Variants in CRAMP1 observed in about 807,000 individuals in gnomAD.
The protein encoded by CRAMP1 is cramped chromatin regulator 1.
In CRAMP1, 50 loss-of-function variants were observed where a neutral mutation model predicts 115.4. That is an observed-to-expected ratio of 0.43 (90% CI 0.35 to 0.55). CRAMP1 has a LOEUF of 0.55. Among genes scored for constraint, CRAMP1 ranks in the 20% least tolerant of loss-of-function variants. The pLI is 0.01. For synonymous variants in CRAMP1, 866 were observed against 745.4 expected, an observed-to-expected ratio of 1.16 and a Z score of -2.64; for missense variants, 1,679 against 1,721.7, an observed-to-expected ratio of 0.98 and a Z score of 0.44.
At chr16:1,670,605 C>T in intron 19 of CRAMP1, 59 bp from the exon 20 acceptor site, 2 of 1,585,880 alleles carry the variant, frequency 1.3e-6, no homozygotes, top group Non-Finnish European at 8.6e-7. Context: ...GACCCTTCCG[C>T]TGGACTGGTC....
At chr16:1,646,270 C>CAGG (rs951403321) in intron 6 of CRAMP1, among the ~76,000 whole-genome samples, 17 of 152,146 alleles carry the variant, frequency 1.1e-4, no homozygotes, top group Admixed American at 3.3e-4. Context: ...TTTCGGTCCC[C>CAGG]AGGAGGAGGA....
chr16:1,617,104 A>G (rs930871399), intron 2 of CRAMP1, among the ~76,000 whole-genome samples: 5 of 152,128 alleles, frequency 3.3e-5, no homozygotes, highest in African/African-American at 1.2e-4. Context: ...GATTACAGGC[A>G]TGAGCCACCG....
At chr16:1,623,310 A>C (rs965445853) in intron 2 of CRAMP1, among the ~76,000 whole-genome samples, 13 of 152,100 alleles carry the variant, frequency 8.5e-5, no homozygotes, top group African/African-American at 3.1e-4. Flanking sequence ...AGCTGCCTTT[A>C]CTGTTGTGCC....
chr16:1,656,958 T>A lies in CRAMP1; in HGVS notation c.2201T>A (p.Leu734Gln). The change falls in exon 10 of 21, where the codon CTG (leucine) becomes CAG (glutamine). Residue 734 changes from leucine (L) to glutamine (Q), a missense_variant. Leu to Gln is a moderately radical substitution (Grantham distance 113). Around this residue, in one of 8 missense-constraint regions of CRAMP1, gnomAD observed 709 missense variants for 741.9 expected, o/e 0.96. Transcript: ENST00000397412. This position sits in a 1 kb window ranked among gnomAD's most constrained non-coding sequence, Gnocchi z 5.6. ...LHKQRLLSCL[L>Q]KLISTEVNPK... is the part of the protein sequence containing the mutation. ...AAGCAGCGCCTCCTCAGCTGCCTCCTGAAGCTCATTTCCACCGAGGTCAAC... is the reference window on the plus strand; with the variant it reads ...AAGCAGCGCCTCCTCAGCTGCCTCCAGAAGCTCATTTCCACCGAGGTCAAC... The A allele has an allele frequency of 6.4e-7, 1 of 1,554,008 alleles. No individual in the cohort carries two copies. The highest frequency in any genetic ancestry group is 8.7e-7 in the Non-Finnish European group (1 of 1,148,104).
At chr16:1,652,950 T>A in intron 7 of CRAMP1, 83 bp from the exon 8 acceptor site, 3 of 1,543,814 alleles carry the variant, frequency 1.9e-6, no homozygotes, top group Non-Finnish European at 2.7e-6. Flanking sequence ...ACAGCTGATT[T>A]CACTGGTTTT....
chr16:1,649,111 C>G (rs1378255598), intron 6 of CRAMP1, among the ~76,000 whole-genome samples: 6 of 151,902 alleles, frequency 3.9e-5, no homozygotes, highest in African/African-American at 1.5e-4. Context: ...TCTGGGGACT[C>G]ATCCTCTCTA....
rs1260699884 is a variant in CRAMP1, at chr16:1,666,154, C to T, written c.2834C>T (p.Pro945Leu). The T allele has an allele frequency of 1.2e-6, 2 of 1,608,722 alleles. No individual in the cohort carries two copies. Among genetic ancestry groups the T allele is most frequent in the Non-Finnish European group, 1.7e-6 (2 of 1,177,668 alleles). Residue 945 changes from proline (P) to leucine (L), a missense_variant, in exon 15 of 21, where the codon CCC (proline) becomes CTC (leucine). Physicochemically the swap from Pro to Leu is moderately conservative, Grantham distance 98. Coordinates refer to ENST00000397412, the MANE Select transcript of CRAMP1 (RefSeq NM_020825.4). This position sits in a 1 kb window ranked among gnomAD's most constrained non-coding sequence, Gnocchi z 5.0. ...CCGATCGTGCCCAAGGTCCTTCCAC[C>T]CCAGGCCACGAGTCACCTGGCCAGT... ...SRPIVPKVLPPQATSHLASAI... is the reference protein window; with the variant it reads ...SRPIVPKVLPLQATSHLASAI...
chr16:1,660,720 T>C (rs947347619), intron 11 of CRAMP1, among the ~76,000 whole-genome samples: 8 of 152,168 alleles, frequency 5.3e-5, no homozygotes, highest in African/African-American at 1.9e-4. Context: ...AAATGGTGAG[T>C]TTTAGACTGG....
At chr16:1,658,147 G>A (rs1424164542) in intron 10 of CRAMP1, among the ~76,000 whole-genome samples, 1 of 152,212 alleles carries the variant, frequency 6.6e-6, no homozygotes, top group Non-Finnish European at 1.5e-5. Context: ...CCATCAGCAG[G>A]TGGCAGGAAT....
chr16:1,653,196 T>C (rs754378397), intron 8 of CRAMP1, 40 bp downstream of exon 8: 2 of 1,589,674 alleles, frequency 1.3e-6, no homozygotes, highest in Non-Finnish European at 8.6e-7. Flanking sequence ...CCCAACTGCT[T>C]GAGCAGGACT....
chr16:1,670,579 C>A, intron 19 of CRAMP1, 85 bp from the exon 20 acceptor site: 1 of 1,474,396 alleles, frequency 6.8e-7, no homozygotes, highest in Admixed American at 1.9e-5. Flanking sequence ...CTTGGGCTGG[C>A]TGCCCCCAGC....
intron 4 of CRAMP1, among the ~76,000 whole-genome samples, chr16:1,633,638 G>A (rs571057995): frequency 2.0e-5 from 3 of 152,292 alleles, no homozygotes; most frequent in Admixed American, 6.5e-5. Context: ...GTCAGATCCC[G>A]TCATCCAAGG....
chr16:1,667,988 G>C lies in CRAMP1; in HGVS notation c.3129G>C (p.Glu1043Asp), dbSNP rs560160907. ...FQGSSVLSLS[E>D]LPKAPLQNGL... is the part of the protein sequence containing the mutation. ...GCTCATCTGTTCTCTCCTTATCTGA[G>C]CTGCCCAAGGCCCCTCTCCAGAATG... is the stretch of plus-strand genomic sequence containing the variant. Residue 1043 changes from glutamate (E) to aspartate (D), a missense_variant, in exon 18 of 21, where the codon GAG (glutamate) becomes GAC (aspartate). Glu to Asp is a conservative substitution (Grantham distance 45, BLOSUM62 2). Around this residue, in one of 8 missense-constraint regions of CRAMP1, gnomAD observed 709 missense variants for 741.9 expected, o/e 0.96. Coordinates refer to ENST00000397412, the MANE Select transcript of CRAMP1 (RefSeq NM_020825.4). 28 of 1,612,634 alleles carry C rather than the reference G, an allele frequency of 1.7e-5. No individual in the cohort carries two copies. The Middle Eastern group carries it at 8.3e-4, about 48-fold the overall frequency.
chr16:1,667,426 G>A, intron 17 of CRAMP1, 26 bp downstream of exon 17: 1 of 1,593,798 alleles, frequency 6.3e-7, no homozygotes, highest in African/African-American at 1.3e-5. Context: ...GGGCTGCTGA[G>A]CAAAGCAGCT....
At chr16:1,652,446 CCTT>C (rs1180435847) in intron 6 of CRAMP1, 47 bp from the exon 7 acceptor site, 2 of 1,497,284 alleles carry the variant, frequency 1.3e-6, no homozygotes, top group Non-Finnish European at 1.8e-6. Context: ...GCCCTTCCGT[CCTT>C]CTGTTCACTC....
At chr16:1,655,696 A>G (rs1356908679) in intron 9 of CRAMP1, among the ~76,000 whole-genome samples, 181 bp from the exon 10 acceptor site, 1 of 152,168 alleles carries the variant, frequency 6.6e-6, no homozygotes, top group Non-Finnish European at 1.5e-5. Context: ...AATTTCCTGA[A>G]GGTACTAAGT....
intron 4 of CRAMP1, among the ~76,000 whole-genome samples, chr16:1,633,558 G>A (rs1213414747): frequency 6.6e-6 from 1 of 152,210 alleles, no homozygotes; most frequent in African/African-American, 2.4e-5. Context: ...GTTCCGTTTT[G>A]TCCTATATTT....
chr16:1,662,254 T>C (rs2036837824), intron 11 of CRAMP1, among the ~76,000 whole-genome samples: 1 of 152,226 alleles, frequency 6.6e-6, no homozygotes, highest in Non-Finnish European at 1.5e-5. Flanking sequence ...AGTGGTGAAG[T>C]GCTTTTGTCC....
In CRAMP1 at chr16:1,671,076, G is replaced by A. The variant is rs1041029787; in HGVS notation, c.3645+267G>A. Among the ~76,000 whole-genome samples, 2 of 152,182 alleles carry A rather than the reference G, an allele frequency of 1.3e-5. No individual in the cohort carries two copies. Among genetic ancestry groups the A allele is most frequent in the Non-Finnish European group, 2.9e-5 (2 of 68,036 alleles). ...TGAACTGGAAACCCTGGTCTGGGGC[G>A]CAGAGCAGGGTCTCTGAAGGCAGCC... On this transcript the variant is annotated intron_variant, in intron 20 of 20. Transcript: ENST00000397412. The surrounding 1 kb of genome is among the most constrained non-coding windows in gnomAD (Gnocchi z 5.0).
Sources: allele counts gnomAD v4.1 joint callset (sites outside exome capture counted in the v4.1 genomes callset), GRCh38; gene constraint gnomAD v4.1.1; regional missense constraint gnomAD v4.1.1; non-coding constraint Gnocchi (gnomAD v3.1); transcripts MANE v1.5; gene names NCBI Gene and HGNC (gene_info 2026-07-23, HGNC 2026-07-21).